The following ZNF891 variants were observed in gnomAD, a reference collection of about 807,000 sequenced individuals.
The protein encoded by ZNF891 is zinc finger protein 891.
For missense variants in ZNF891, 589 were observed against 632.7 expected (o/e 0.93, Z 0.74); for synonymous variants, 199 against 209.0 (o/e 0.95, Z 0.41).
rs1284810765 is a variant in ZNF891, at chr12:133,120,299, CTCAG to C, written c.1616_1619del (p.Thr539ArgfsTer36). ...TTCATAACACTTACAGGGTTTCTCT[CTCAG>C]TATGAATTCTCTTGTGTATAATAAG... On this transcript the variant is annotated frameshift_variant, in exon 2 of 2. Coordinates refer to ENST00000537226, the MANE Select transcript of ZNF891 (RefSeq NM_001277291.2). LOFTEE classifies it high-confidence loss of function. 3 of 1,536,258 alleles carry C rather than the reference CTCAG, an allele frequency of 2.0e-6. No individual in the cohort carries two copies. The highest frequency in any genetic ancestry group is 2.4e-5 in the East Asian group (1 of 40,984).
intron 1 of ZNF891, chr12:133,125,673 C>T (rs11147243): frequency 0.2 from 59,234 of 292,296 alleles, 7,205 homozygotes; most frequent in Non-Finnish European, 0.25. Context: ...CAGAAGAGCA[C>T]CCTCAGGAGA....
chr12:133,116,908 T>C lies in ZNF891; in HGVS notation c.*3376A>G, dbSNP rs1269118099. On this transcript the variant is annotated 3_prime_UTR_variant, in exon 2 of 2. Coordinates refer to ENST00000537226, the MANE Select transcript of ZNF891 (RefSeq NM_001277291.2). ...ATCCACAGGTTGGAAGTGGGATCAG[T>C]ATCTTCCTTACTCCCTAACACTGCT... 1 of 152,240 alleles carries C rather than the reference T, an allele frequency of 6.6e-6. No homozygotes were observed. Among genetic ancestry groups the C allele is most frequent in the Non-Finnish European group, 1.5e-5 (1 of 68,062 alleles). The allele number at this position is 152,240 out of a possible 1,614,324, so 9.4% of individuals were successfully genotyped here. A position where few individuals can be genotyped will look rare whatever the true frequency, so the allele number is the denominator to read the frequency against.
rs1201027593 is a variant in ZNF891, at chr12:133,115,015, T to A, written c.*5269A>T. ...AAACTCTGGAGGCAAATGGATCAAA[T>A]ACATTATGGTACAAGCATATAATCA... On this transcript the variant is annotated 3_prime_UTR_variant, in exon 2 of 2. Transcript: ENST00000537226. The A allele has an allele frequency of 6.6e-6, 1 of 152,170 alleles. No individual in the cohort carries two copies. Among genetic ancestry groups the A allele is most frequent in the African/African-American group, 2.4e-5 (1 of 41,456 alleles). The allele number at this position is 152,170 out of a possible 1,614,324, so 9.4% of individuals were successfully genotyped here. A position where few individuals can be genotyped will look rare whatever the true frequency, so the allele number is the denominator to read the frequency against.
At chr12:133,128,359 C>A (rs571008790) in intron 1 of ZNF891, among the ~76,000 whole-genome samples, 1 of 152,152 alleles carries the variant, frequency 6.6e-6, no homozygotes, top group Non-Finnish European at 1.5e-5. Flanking sequence ...TGGCCAGGCA[C>A]GGTGGCTCAC....
rs1476738235 is a variant in ZNF891, at chr12:133,120,685, AT to A, written c.1233del (p.Lys411AsnfsTer10). 2 of 1,555,304 alleles carry A rather than the reference AT, an allele frequency of 1.3e-6. No homozygotes were observed. The highest frequency in any genetic ancestry group is 1.9e-5 in the Admixed American group (1 of 51,316). Reference sequence around the variant, plus strand: ...ATAAGGTAAGAGCTTGTGCCAAAGGATTTTCCACACTGATTACATTCATAAG... The same window carrying A: ...ATAAGGTAAGAGCTTGTGCCAAAGGATTTCCACACTGATTACATTCATAAG... ...EKPYECNQCG[K>X]SFGTSSYLIV... On this transcript the variant is annotated frameshift_variant, in exon 2 of 2. Coordinates refer to ENST00000537226, the MANE Select transcript of ZNF891 (RefSeq NM_001277291.2). LOFTEE classifies it low-confidence loss of function (END_TRUNC).
At position 133,118,713 on chromosome 12, in the gene ZNF891, T is replaced by C. The variant is rs929254952; in HGVS notation, c.*1571A>G. On this transcript the variant is annotated 3_prime_UTR_variant, in exon 2 of 2. Transcript: ENST00000537226. The stretch of plus-strand genomic sequence containing the variant: ...CAATGCTGAAATGTTGGGATACTCT[T>C]TTTGCTGTTCTAAACACTTGCTTTC... The C allele has an allele frequency of 6.6e-6, 1 of 152,218 alleles. No homozygotes were observed. Among genetic ancestry groups the C allele is most frequent in the Non-Finnish European group, 1.5e-5 (1 of 68,034 alleles). The allele number at this position is 152,218 out of a possible 1,614,324, so 9.4% of individuals were successfully genotyped here.
rs1955727464 is a variant in ZNF891 at position 133,118,322 on chromosome 12, T to C, written c.*1962A>G. 1 of 152,242 alleles carries C rather than the reference T, an allele frequency of 6.6e-6. No individual in the cohort carries two copies. Among genetic ancestry groups the C allele is most frequent in the Non-Finnish European group, 1.5e-5 (1 of 68,058 alleles). The allele number at this position is 152,242 out of a possible 1,614,324, so 9.4% of individuals were successfully genotyped here. On this transcript the variant is annotated 3_prime_UTR_variant, in exon 2 of 2. Transcript: ENST00000537226. The stretch of plus-strand genomic sequence containing the variant: ...TTGTTTTCCTCTTATCTCTCTACTA[T>C]AGTTCCTTTAAATGTATGTCTTCAG...
Position 133,106,380 on chromosome 12 carries a change from G to A in ZNF891, c.*13904C>T. ...GATGAATGTGGTAAAGTTTTCACTT[G>A]GCATGCATCCCTTATTCAACATACG... On this transcript the variant is annotated 3_prime_UTR_variant, in exon 2 of 2. Transcript: ENST00000537226. 6.2e-7 allele frequency: 1 copy of A among 1,614,084 alleles called. No homozygotes were observed. The highest frequency in any genetic ancestry group is 8.5e-7 in the Non-Finnish European group (1 of 1,180,014).
intron 1 of ZNF891, chr12:133,126,032 C>A: frequency 4.8e-6 from 1 of 210,118 alleles, no homozygotes. Flanking sequence ...GTACACTGTA[C>A]TACTATATTT....
Position 133,109,326 on chromosome 12 carries a change from T to C in ZNF891, c.*10958A>G, listed in dbSNP as rs530777272. Reference sequence around the variant, plus strand: ...AATTTCAGTAGAGATCATAGGATCTTGGCATGGGAGGGGTTGGGTAAAATC... The same window carrying C: ...AATTTCAGTAGAGATCATAGGATCTCGGCATGGGAGGGGTTGGGTAAAATC... On this transcript the variant is annotated 3_prime_UTR_variant, in exon 2 of 2. Coordinates refer to ENST00000537226, the MANE Select transcript of ZNF891 (RefSeq NM_001277291.2). 2 of 152,188 alleles carry C rather than the reference T, an allele frequency of 1.3e-5. No individual in the cohort carries two copies. The highest frequency in any genetic ancestry group is 2.9e-5 in the Non-Finnish European group (2 of 68,020). 9.4% of individuals were successfully genotyped at this position (152,188 alleles called of 1,614,324 possible). A position where few individuals can be genotyped will look rare whatever the true frequency, so the allele number is the denominator to read the frequency against.
rs1038439911 is a variant in ZNF891 at position 133,104,863 on chromosome 12, A to G, written c.*15421T>C. On this transcript the variant is annotated 3_prime_UTR_variant, in exon 2 of 2. Coordinates refer to ENST00000537226, the MANE Select transcript of ZNF891 (RefSeq NM_001277291.2). ...ATGTTACATGAGCAAATTGTGTGTCATGGGGGTTTGGTGTGCAGATAATTT... is the reference window on the plus strand; with the variant it reads ...ATGTTACATGAGCAAATTGTGTGTCGTGGGGGTTTGGTGTGCAGATAATTT... 1.3e-5 allele frequency among the ~76,000 whole-genome samples: 2 copies of G among 152,134 alleles called. No individual in the cohort carries two copies. The highest frequency in any genetic ancestry group is 2.9e-5 in the Non-Finnish European group (2 of 68,024).
Position 133,106,022 on chromosome 12 carries a change from G to A in ZNF891, c.*14262C>T. On this transcript the variant is annotated 3_prime_UTR_variant, in exon 2 of 2. Coordinates refer to ENST00000537226, the MANE Select transcript of ZNF891 (RefSeq NM_001277291.2). ...TGGGGAGAAACCTTATGAATGTACT[G>A]AGTGTGGAAAGGCCTTTAGCCGTGC... The A allele has an allele frequency of 6.2e-7, 1 of 1,614,128 alleles. No homozygotes were observed. The highest frequency in any genetic ancestry group is 8.5e-7 in the Non-Finnish European group (1 of 1,180,040).
chr12:133,125,166 A>G (rs1352579279), intron 1 of ZNF891, among the ~76,000 whole-genome samples: 1 of 146,248 alleles, frequency 6.8e-6, no homozygotes, highest in East Asian at 2.0e-4. Context: ...CTGCCTATAC[A>G]TTAGTTACTT....
chr12:133,126,744 G>C (rs1478277379), intron 1 of ZNF891, among the ~76,000 whole-genome samples: 1 of 145,590 alleles, frequency 6.9e-6, no homozygotes, highest in African/African-American at 2.5e-5. Context: ...TTGAACCCAA[G>C]AGGTGGAGGC....
In ZNF891 at chr12:133,119,801, T is replaced by C. The variant is rs1324213942; in HGVS notation, c.*483A>G. 2 of 155,988 alleles carry C rather than the reference T, an allele frequency of 1.3e-5. No individual in the cohort carries two copies. The highest frequency in any genetic ancestry group is 4.8e-5 in the African/African-American group (2 of 41,464). The allele number at this position is 155,988 out of a possible 1,614,324, so 9.7% of individuals were successfully genotyped here. A position where few individuals can be genotyped will look rare whatever the true frequency, so the allele number is the denominator to read the frequency against. ...AGATAGTTCTGATCCCAGTGATATG[T>C]CTATTTTTGAATCAGCAAGAATGAA... On this transcript the variant is annotated 3_prime_UTR_variant, in exon 2 of 2. Transcript: ENST00000537226.
At position 133,111,343 on chromosome 12, in the gene ZNF891, TAAA is replaced by T. The variant is rs992893549; in HGVS notation, c.*8938_*8940del. ...ACCCCATTTCTACAAAAAATACAAA[TAAA>T]AAAATTATCCAGGTGTAATAGCACA... On this transcript the variant is annotated 3_prime_UTR_variant, in exon 2 of 2. Transcript: ENST00000537226. The T allele has an allele frequency of 1.1e-4, 17 of 151,756 alleles. No homozygotes were observed. The highest frequency in any genetic ancestry group is 3.9e-4 in the African/African-American group (16 of 41,288). The allele number at this position is 151,756 out of a possible 1,614,324, so 9.4% of individuals were successfully genotyped here.
rs1488033457 is a variant in ZNF891 at position 133,108,212 on chromosome 12, G to C, written c.*12072C>G. ...CTAATATCTGATTTGATTTTCTCAA[G>C]CAGCATGCCTTATTACATATGGGTA... On this transcript the variant is annotated 3_prime_UTR_variant, in exon 2 of 2. Transcript: ENST00000537226. 1.4e-5 allele frequency: 2 copies of C among 148,106 alleles called. No homozygotes were observed. The highest frequency in any genetic ancestry group is 2.6e-5 in the African/African-American group (1 of 37,826). The allele number at this position is 148,106 out of a possible 1,614,324, so 9.2% of individuals were successfully genotyped here.
rs778038598 is a variant in ZNF891 at position 133,120,707 on chromosome 12, A to G, written c.1212T>C (p.Tyr404=). ...AGGATTTTCCACACTGATTACATTC[A>G]TAAGGTTTCTCTCCAGTGTGAGTTC... ...HMRTHTGEKP[Y]ECNQCGKSFG... is the part of the protein sequence containing the mutation. The change falls in exon 2 of 2, where the codon TAT becomes TAC. Residue 404 remains tyrosine (Y), a synonymous_variant. Transcript: ENST00000537226. The G allele has an allele frequency of 1.3e-5, 21 of 1,565,280 alleles. No homozygotes were observed. The East Asian group carries it at 1.4e-4, about 11-fold the overall frequency.
rs1955735814 is a variant in ZNF891 at position 133,119,508 on chromosome 12, ACTC to A, written c.*773_*775del. On this transcript the variant is annotated 3_prime_UTR_variant, in exon 2 of 2. Transcript: ENST00000537226. ...CAGTGAGCTGAGATTGTGCCACTGCACTCCAGCCTGGGCAACATACCGAGACTC... is the reference window on the plus strand; with the variant it reads ...CAGTGAGCTGAGATTGTGCCACTGCACAGCCTGGGCAACATACCGAGACTC... 6.6e-6 allele frequency: 1 copy of A among 152,320 alleles called. No individual in the cohort carries two copies. The highest frequency in any genetic ancestry group is 2.4e-5 in the African/African-American group (1 of 41,452). The allele number at this position is 152,320 out of a possible 1,614,324, so 9.4% of individuals were successfully genotyped here. A position where few individuals can be genotyped will look rare whatever the true frequency, so the allele number is the denominator to read the frequency against.
Sources: allele counts gnomAD v4.1 joint callset (sites outside exome capture counted in the v4.1 genomes callset), GRCh38; gene constraint gnomAD v4.1.1; transcripts MANE v1.5; gene names NCBI Gene and HGNC (gene_info 2026-07-23, HGNC 2026-07-21).